Variants in FABP6 observed in about 807,000 individuals in gnomAD.
FABP6 encodes fatty acid binding protein 6.
In FABP6, 13 loss-of-function variants were observed where a neutral mutation model predicts 14.9. That is an observed-to-expected ratio of 0.87 (90% CI 0.57 to 1.39). The LOEUF is 1.39. Among genes scored for constraint, FABP6 ranks in the 40% most tolerant of loss-of-function variants. The pLI is 0.00. For synonymous variants in FABP6, 75 were observed against 63.6 expected (o/e 1.18, Z -0.85); for missense variants, 161 against 167.2 (o/e 0.96, Z 0.20).
rs569557237 is a variant in FABP6, at chr5:160,201,375, C to T, written c.51+2218C>T. 4.0e-5 allele frequency among the ~76,000 whole-genome samples: 6 copies of T among 149,162 alleles called. No homozygotes were observed. The South Asian group carries it at 1.3e-3, about 33-fold the overall frequency. Reference sequence around the variant, plus strand: ...CCTGTCTCAAATAAAACAAAAATCCCCAAAGAAACTAGTGGTTTCGTTTGC... The same window carrying T: ...CCTGTCTCAAATAAAACAAAAATCCTCAAAGAAACTAGTGGTTTCGTTTGC... On this transcript the variant is annotated intron_variant, in intron 2 of 6. Transcript: ENST00000393980.
At chr5:160,192,224 G>A (rs61190616) in intron 1 of FABP6, among the ~76,000 whole-genome samples, 13,919 of 151,714 alleles carry the variant, frequency 0.092, 850 homozygotes, top group East Asian at 0.36. Flanking sequence ...ATGGGGTCTT[G>A]CTATGTTGCC....
intron 1 of FABP6, chr5:160,198,915 C>A (rs1759570113): frequency 1.7e-6 from 1 of 597,844 alleles, no homozygotes; most frequent in Admixed American, 3.0e-5. Context: ...TCACGTGTTT[C>A]TTCTGTATCT....
chr5:160,224,018 C>T (rs1414637745), intron 3 of FABP6, among the ~76,000 whole-genome samples: 5 of 151,612 alleles, frequency 3.3e-5, no homozygotes, highest in African/African-American at 9.7e-5. Flanking sequence ...GGGCAGATCA[C>T]GAGGTCAGAA....
chr5:160,232,663 G>A (rs147461502), intron 2 of FABP6, among the ~76,000 whole-genome samples: 4,616 of 152,180 alleles, frequency 0.03, 232 homozygotes, highest in African/African-American at 0.11. Flanking sequence ...TTGGGAGGCC[G>A]AGGTGGGTGG....
chr5:160,189,154 C>T (rs536521685), intron 1 of FABP6, among the ~76,000 whole-genome samples: 1 of 152,220 alleles, frequency 6.6e-6, no homozygotes, highest in African/African-American at 2.4e-5. Context: ...AAGACATAAA[C>T]GAGTGGGCAT....
intron 1 of FABP6, among the ~76,000 whole-genome samples, chr5:160,193,351 A>T (rs1235492567): frequency 6.6e-6 from 1 of 152,154 alleles, no homozygotes; most frequent in Non-Finnish European, 1.5e-5. Flanking sequence ...AGCTCATAAA[A>T]GCAGTGGGGA....
At chr5:160,227,217 C>T (rs894496843), upstream of FABP6, among the ~76,000 whole-genome samples, 4 of 151,852 alleles carry the variant, frequency 2.6e-5, no homozygotes, top group Non-Finnish European at 4.4e-5. Flanking sequence ...CTCATTTATA[C>T]CAGAAAATAA....
intron 2 of FABP6, among the ~76,000 whole-genome samples, chr5:160,210,690 C>T (rs769479135): frequency 6.6e-6 from 1 of 152,226 alleles, no homozygotes; most frequent in Non-Finnish European, 1.5e-5. Flanking sequence ...TCAGCCTTCT[C>T]AGAATGTCCA....
intron 3 of FABP6, among the ~76,000 whole-genome samples, chr5:160,221,358 C>T (rs192110045): frequency 3.5e-4 from 53 of 152,096 alleles, no homozygotes; most frequent in African/African-American, 1.1e-3. Flanking sequence ...TTGGAGGAGG[C>T]GGGGGTGAAG....
intron 2 of FABP6, among the ~76,000 whole-genome samples, chr5:160,206,552 A>G (rs1225472855): frequency 3.3e-5 from 5 of 152,248 alleles, no homozygotes; most frequent in Admixed American, 3.3e-4. Context: ...ACACATATAC[A>G]TCATGTTTCA....
At chr5:160,203,185 A>G (rs998445141) in intron 2 of FABP6, among the ~76,000 whole-genome samples, 4 of 152,098 alleles carry the variant, frequency 2.6e-5, no homozygotes, top group African/African-American at 4.8e-5. Context: ...TACAGGCTTG[A>G]GCCACCACGC....
intron 1 of FABP6, among the ~76,000 whole-genome samples, chr5:160,192,481 G>A (rs61693951): frequency 1.3e-5 from 2 of 152,240 alleles, no homozygotes; most frequent in Non-Finnish European, 2.9e-5. Context: ...CCCAGGCTTC[G>A]CCCACATCTG....
chr5:160,225,261 T>A (rs1056601809), upstream of FABP6, among the ~76,000 whole-genome samples: 1 of 148,234 alleles, frequency 6.7e-6, no homozygotes, highest in Non-Finnish European at 1.5e-5. Flanking sequence ...CACACCTGGC[T>A]AATTTTTGTA....
chr5:160,210,799 G>A (rs1304262787), intron 2 of FABP6, among the ~76,000 whole-genome samples: 1 of 152,148 alleles, frequency 6.6e-6, no homozygotes, highest in Non-Finnish European at 1.5e-5. Context: ...GATTTAATAA[G>A]GCTAAATTAC....
chr5:160,234,668 C>T (rs1463012261), intron 2 of FABP6, 152 bp from the exon 3 acceptor site: 3 of 372,872 alleles, frequency 8.0e-6, no homozygotes, highest in Non-Finnish European at 1.5e-5. Flanking sequence ...CTCAAGTGAT[C>T]CGCCTGCCTC....
chr5:160,191,184 G>A (rs1759386075), intron 1 of FABP6, among the ~76,000 whole-genome samples: 1 of 151,384 alleles, frequency 6.6e-6, no homozygotes, highest in African/African-American at 2.4e-5. Context: ...CCCCAAACCT[G>A]GCCAGGAGCA....
intron 3 of FABP6, among the ~76,000 whole-genome samples, chr5:160,236,434 A>G (rs1406334703): frequency 6.6e-6 from 1 of 151,982 alleles, no homozygotes. Context: ...CCTTTATCAT[A>G]TGGGTTTGGT....
upstream of FABP6, among the ~76,000 whole-genome samples, chr5:160,224,527 T>C (rs1020143897): frequency 6.6e-6 from 1 of 152,072 alleles, no homozygotes; most frequent in African/African-American, 2.4e-5. Context: ...ACATTAGAAA[T>C]GATTAAGCTT....
intron 1 of FABP6, among the ~76,000 whole-genome samples, chr5:160,230,720 G>T (rs1166549589): frequency 6.6e-6 from 1 of 152,130 alleles, no homozygotes; most frequent in Non-Finnish European, 1.5e-5. Flanking sequence ...TACCAATGGG[G>T]ACTCAGCGTG....
Sources: allele counts gnomAD v4.1 joint callset (sites outside exome capture counted in the v4.1 genomes callset), GRCh38; gene constraint gnomAD v4.1.1; transcripts MANE v1.5; gene names NCBI Gene and HGNC (gene_info 2026-07-23, HGNC 2026-07-21).